FBXO11: variants seen among roughly 807,000 people sequenced by gnomAD.
FBXO11 encodes F-box only protein 11.
Under a neutral mutation model 117.0 loss-of-function variants are expected in FBXO11, and 13 were observed. The ratio of observed to expected loss-of-function variants is 0.11; its 90% confidence interval spans 0.07 to 0.18. The LOEUF (loss-of-function observed/expected upper bound fraction) is 0.18. Ranked by LOEUF, FBXO11 falls within the 10% of genes least tolerant of loss-of-function variation. FBXO11 has a pLI of 1.00. For missense variants in FBXO11, 767 were observed against 1,164.4 expected (o/e 0.66, Z 4.97); for synonymous variants, 490 against 380.5 (o/e 1.29, Z -3.35).
chr2:47,891,484 T>C (rs927501792), intron 1 of FBXO11, among the ~76,000 whole-genome samples: 1 of 152,236 alleles, frequency 6.6e-6, no homozygotes, highest in African/African-American at 2.4e-5. Flanking sequence ...TTCCATTGCA[T>C]GTATACACCA....
chr2:47,893,133 G>A (rs1677386462), intron 1 of FBXO11, among the ~76,000 whole-genome samples: 1 of 150,052 alleles, frequency 6.7e-6, no homozygotes. Flanking sequence ...CAGCCTGGAT[G>A]ACACAGTGAT....
intron 1 of FBXO11, among the ~76,000 whole-genome samples, chr2:47,865,541 A>G (rs539802709): frequency 6.6e-6 from 1 of 152,370 alleles, no homozygotes; most frequent in South Asian, 2.1e-4. Flanking sequence ...TGGAGCCTTC[A>G]TACCAACTCT....
chr2:47,813,607 A>G (rs921688779), intron 17 of FBXO11, among the ~76,000 whole-genome samples, 184 bp downstream of exon 17: 2 of 151,374 alleles, frequency 1.3e-5, no homozygotes, highest in Non-Finnish European at 1.5e-5. Flanking sequence ...AATTTTTGTA[A>G]TATTTAGTAG....
At chr2:47,836,911 T>G (rs1672621116) in intron 4 of FBXO11, 1 of 373,278 alleles carries the variant, frequency 2.7e-6, no homozygotes, top group Non-Finnish European at 5.2e-6. Flanking sequence ...ATTTTTTGAT[T>G]TTTTTTTGTA....
chr2:47,902,673 A>T (rs1678386010), intron 1 of FBXO11, among the ~76,000 whole-genome samples: 1 of 152,210 alleles, frequency 6.6e-6, no homozygotes, highest in African/African-American at 2.4e-5. Context: ...AAGCAGCTAA[A>T]GACCATTCTG....
intron 1 of FBXO11, among the ~76,000 whole-genome samples, chr2:47,846,855 C>T (rs559999455): frequency 7.0e-4 from 106 of 152,226 alleles, no homozygotes; most frequent in African/African-American, 2.4e-3. Flanking sequence ...TCAGACTAGG[C>T]ATATTTCAAG....
intron 11 of FBXO11, among the ~76,000 whole-genome samples, chr2:47,823,767 A>T (rs544260421): frequency 6.6e-6 from 1 of 152,268 alleles, no homozygotes; most frequent in South Asian, 2.1e-4. Flanking sequence ...AAAAATTAAA[A>T]AAAAAGTTTA....
At chr2:47,903,608 G>A (rs1461423198) in intron 1 of FBXO11, among the ~76,000 whole-genome samples, 1 of 152,144 alleles carries the variant, frequency 6.6e-6, no homozygotes, top group Non-Finnish European at 1.5e-5. Flanking sequence ...ACCTTGAAAT[G>A]AAAATTCAGA....
intron 1 of FBXO11, among the ~76,000 whole-genome samples, chr2:47,889,627 G>A (rs563524788): frequency 1.1e-3 from 105 of 93,228 alleles, no homozygotes; most frequent in African/African-American, 6.3e-3. Context: ...CTTAGAAAGT[G>A]AGAGGGTTTT....
chr2:47,809,287 A>C (rs774819121), intron 20 of FBXO11, 21 bp from the exon 21 acceptor site: 26 of 1,434,640 alleles, frequency 1.8e-5, no homozygotes, highest in Non-Finnish European at 2.4e-5. Context: ...AGAAAGAATA[A>C]GTAAAAATTC....
At chr2:47,883,484 G>A in intron 1 of FBXO11, 1 of 414,272 alleles carries the variant, frequency 2.4e-6, no homozygotes, top group Non-Finnish European at 4.8e-6. Context: ...CCCTTATGGG[G>A]AAGACCATCA....
intron 1 of FBXO11, among the ~76,000 whole-genome samples, chr2:47,867,756 T>C (rs1204747710): frequency 6.6e-6 from 1 of 152,168 alleles, no homozygotes; most frequent in African/African-American, 2.4e-5. Context: ...ATTATCTGCA[T>C]ATTGTTATCT....
intron 1 of FBXO11, among the ~76,000 whole-genome samples, chr2:47,879,775 C>T (rs1364248508): frequency 6.6e-6 from 1 of 152,070 alleles, no homozygotes; most frequent in Non-Finnish European, 1.5e-5. Flanking sequence ...CCCTTTTTCC[C>T]CTTCCCCTAG....
chr2:47,899,099 C>G (rs1334137405), intron 1 of FBXO11, among the ~76,000 whole-genome samples: 3 of 151,762 alleles, frequency 2.0e-5, no homozygotes, highest in Non-Finnish European at 4.4e-5. Context: ...ATGGTGAAAC[C>G]CGGTCTCTAC....
At chr2:47,852,525 G>A (rs1673949953) in intron 1 of FBXO11, among the ~76,000 whole-genome samples, 1 of 152,150 alleles carries the variant, frequency 6.6e-6, no homozygotes, top group Non-Finnish European at 1.5e-5. Flanking sequence ...AAATGCTTAA[G>A]GTTAGAAAGC....
chr2:47,848,472 G>A (rs986534089), intron 1 of FBXO11, among the ~76,000 whole-genome samples: 5 of 152,174 alleles, frequency 3.3e-5, no homozygotes, highest in Non-Finnish European at 5.9e-5. Flanking sequence ...CTCTGAGTCC[G>A]TGGAAAAACT....
chr2:47,852,822 T>G (rs541766705), intron 1 of FBXO11, among the ~76,000 whole-genome samples: 1 of 152,188 alleles, frequency 6.6e-6, no homozygotes, highest in Admixed American at 6.6e-5. Flanking sequence ...AGGGACATAT[T>G]ATTATTCCTA....
At chr2:47,808,617 G>C (rs971239242) in intron 21 of FBXO11, 190 bp from the exon 22 acceptor site, 60 of 504,434 alleles carry the variant, frequency 1.2e-4, no homozygotes, top group Non-Finnish European at 1.8e-4. Flanking sequence ...CTGTGTCTTC[G>C]GAGGGAAGAG....
At chr2:47,845,367 T>C (rs1380810935) in intron 1 of FBXO11, among the ~76,000 whole-genome samples, 1 of 152,214 alleles carries the variant, frequency 6.6e-6, no homozygotes, top group Non-Finnish European at 1.5e-5. Context: ...CCTGAAGTGC[T>C]CATGAGTTAT....
Sources: gnomAD v4.1 joint callset for allele counts (sites outside exome capture counted in the v4.1 genomes callset) on GRCh38, gnomAD v4.1.1 for gene constraint, MANE v1.5 for transcripts, NCBI Gene and HGNC (gene_info 2026-07-23, HGNC 2026-07-21) for gene names.